The following SH3PXD2B variants were observed in gnomAD, a reference collection of about 807,000 sequenced individuals.
SH3PXD2B encodes SH3 and PX domain-containing protein 2B.
SH3PXD2B carries 37 observed loss-of-function variants against 73.1 expected under a neutral mutation model. That is an observed-to-expected ratio of 0.51 (90% CI 0.39 to 0.67). SH3PXD2B has a LOEUF of 0.67. Among genes scored for constraint, SH3PXD2B ranks in the 30% least tolerant of loss-of-function variants. The pLI is 0.00. For missense variants in SH3PXD2B, 1,053 were observed against 1,197.8 expected (o/e 0.88, Z 1.78); for synonymous variants, 457 against 480.5 (o/e 0.95, Z 0.64).
At chr5:172,418,472 C>T (rs764472116) in intron 2 of SH3PXD2B, among the ~76,000 whole-genome samples, 13 of 152,180 alleles carry the variant, frequency 8.5e-5, no homozygotes, top group African/African-American at 3.1e-4. Flanking sequence ...TCCACCAAGG[C>T]TCGGCTCTCC....
chr5:172,437,759 C>T (rs1251255873), intron 1 of SH3PXD2B, among the ~76,000 whole-genome samples: 1 of 152,240 alleles, frequency 6.6e-6, no homozygotes, highest in African/African-American at 2.4e-5. Flanking sequence ...TCAGATGAGA[C>T]ACTTAGGGCT....
intron 2 of SH3PXD2B, among the ~76,000 whole-genome samples, chr5:172,411,453 T>TGTTA (rs10695006): frequency 0.41 from 62,430 of 151,850 alleles, 13,741 homozygotes; most frequent in East Asian, 0.66. Context: ...CCTCCCTTTG[T>TGTTA]TTTATTTGTT....
At chr5:172,347,928 G>A (rs1442148950) in intron 10 of SH3PXD2B, among the ~76,000 whole-genome samples, 1 of 152,136 alleles carries the variant, frequency 6.6e-6, no homozygotes. Context: ...ATACTCTCGA[G>A]GCAGCTGCCC....
Position 172,350,189 on chromosome 5 carries a change from G to A in SH3PXD2B, c.1012+174C>T, listed in dbSNP as rs772178226. Among the ~76,000 whole-genome samples the A allele has an allele frequency of 4.6e-5, 7 of 152,260 alleles. No homozygotes were observed. The South Asian group carries it at 1.2e-3, about 27-fold the overall frequency. ...TCTTGACTCAGATTCTGCAATTCAC[G>A]GGCTGAATGATCTGGAATAAGTTAC... On this transcript the variant is annotated intron_variant, in intron 10 of 12. Transcript: ENST00000311601.
At chr5:172,394,481 G>A (rs1167078569) in intron 4 of SH3PXD2B, 82 bp downstream of exon 4, 32 of 1,423,886 alleles carry the variant, frequency 2.2e-5, no homozygotes, top group Non-Finnish European at 3.0e-5. Context: ...AATTTTTATT[G>A]TTGAGCATCT....
Position 172,421,338 on chromosome 5 carries a change from G to A in SH3PXD2B, c.156+1078C>T, listed in dbSNP as rs1031101552. Among the ~76,000 whole-genome samples the A allele has an allele frequency of 1.1e-4, 16 of 152,136 alleles. No individual in the cohort carries two copies. The highest frequency in any genetic ancestry group is 3.6e-4 in the African/African-American group (15 of 41,422). On this transcript the variant is annotated intron_variant, in intron 2 of 12. Transcript: ENST00000311601. The surrounding 1 kb of genome is among the most constrained non-coding windows in gnomAD (Gnocchi z 4.0). ...ACCCTAATGGGGATGTGCTTATACC[G>A]AGCTGTTCACATTCTGCCTGGCTCC...
intron 11 of SH3PXD2B, 108 bp downstream of exon 11, chr5:172,347,175 C>A: frequency 9.0e-7 from 1 of 1,111,840 alleles, no homozygotes; most frequent in South Asian, 1.3e-5. Flanking sequence ...GTTGTGTGGA[C>A]AGGAAAGAGA....
At chr5:172,354,053 T>G (rs776895976) in intron 8 of SH3PXD2B, 48 bp from the exon 9 acceptor site, 1 of 1,548,930 alleles carries the variant, frequency 6.5e-7, no homozygotes, top group Non-Finnish European at 8.9e-7. Context: ...ACCAAGAGGC[T>G]TGGGATGCCG....
Position 172,445,167 on chromosome 5 carries a change from AG to A in SH3PXD2B, c.75+9110del, listed in dbSNP as rs1759635399. ...CCAGGACCAGGTCCCCCAGAAGCCC[AG>A]GGCACCTGTCTGCCTGTCAGGACAC... On this transcript the variant is annotated intron_variant, in intron 1 of 12. Transcript: ENST00000311601. This position sits in a 1 kb window ranked among gnomAD's most constrained non-coding sequence, Gnocchi z 5.2. 6.6e-6 allele frequency among the ~76,000 whole-genome samples: 1 copy of A among 152,196 alleles called. No individual in the cohort carries two copies. The highest frequency in any genetic ancestry group is 2.4e-5 in the African/African-American group (1 of 41,454).
chr5:172,383,449 C>G (rs551677351), intron 4 of SH3PXD2B, among the ~76,000 whole-genome samples: 2 of 152,354 alleles, frequency 1.3e-5, no homozygotes, highest in East Asian at 3.9e-4. Flanking sequence ...CCAAATACAA[C>G]AGAAGTGCAG....
chr5:172,425,285 T>C (rs1270933832), intron 1 of SH3PXD2B, among the ~76,000 whole-genome samples: 1 of 151,996 alleles, frequency 6.6e-6, no homozygotes, highest in Non-Finnish European at 1.5e-5. Context: ...GTTGAGATAC[T>C]ATGGGGAGCA....
intron 1 of SH3PXD2B, among the ~76,000 whole-genome samples, chr5:172,450,981 C>T (rs913224611): frequency 2.6e-5 from 4 of 152,226 alleles, no homozygotes; most frequent in African/African-American, 9.6e-5. Context: ...TCATCAGCCT[C>T]TCAGGATCTC....
At chr5:172,362,316 C>G (rs1453374471) in intron 7 of SH3PXD2B, among the ~76,000 whole-genome samples, 1 of 152,132 alleles carries the variant, frequency 6.6e-6, no homozygotes, top group African/African-American at 2.4e-5. Flanking sequence ...GACCAGTGGT[C>G]CCTGTGATGG....
At chr5:172,356,743 C>T (rs77056672) in intron 8 of SH3PXD2B, 2,766 of 152,422 alleles carry the variant, frequency 0.018, 36 homozygotes, top group Non-Finnish European at 0.027. Context: ...GGCGGCCCAC[C>T]GGCCGGGGCA....
At chr5:172,380,312 C>A (rs181280186) in intron 5 of SH3PXD2B, among the ~76,000 whole-genome samples, 2 of 152,120 alleles carry the variant, frequency 1.3e-5, no homozygotes, top group African/African-American at 4.8e-5. Context: ...CCTTCCGCCT[C>A]GGCCTCCTAA....
intron 5 of SH3PXD2B, among the ~76,000 whole-genome samples, chr5:172,379,088 A>G (rs1429087388): frequency 6.6e-6 from 1 of 150,942 alleles, no homozygotes; most frequent in East Asian, 1.9e-4. Context: ...AAAAAAAAAA[A>G]AAAGGAAAGT....
At position 172,350,530 on chromosome 5, in the gene SH3PXD2B, G is replaced by T. The variant is rs764252514; in HGVS notation, c.845C>A (p.Pro282His). ...ASYLKKNSGEPLPPKPGPGSP... is the reference protein window; with the variant it reads ...ASYLKKNSGEHLPPKPGPGSP... ...GCCAGGGCCTGGCTTCGGGGGCAAG[G>T]GCTCCCCACTGTTCTTCTTTAGGTA... The change falls in exon 10 of 13, where the codon CCC (proline) becomes CAC (histidine). Residue 282 changes from proline to histidine, a missense_variant. Pro to His is a moderately conservative substitution (Grantham distance 77, BLOSUM62 -2). Transcript: ENST00000311601. The T allele has an allele frequency of 3.1e-6, 5 of 1,613,870 alleles. No individual in the cohort carries two copies. The highest frequency in any genetic ancestry group is 3.3e-5 in the Admixed American group (2 of 59,976).
chr5:172,329,076 TATA>T (rs1224351886), downstream of SH3PXD2B, among the ~76,000 whole-genome samples: 103 of 81,416 alleles, frequency 1.3e-3, 1 homozygote, highest in African/African-American at 4.3e-3. Flanking sequence ...TATATATATA[TATA>T]TATATTTTTT....
intron 3 of SH3PXD2B, among the ~76,000 whole-genome samples, chr5:172,398,213 T>C (rs1190251937): frequency 6.6e-6 from 1 of 152,268 alleles, no homozygotes; most frequent in Non-Finnish European, 1.5e-5. Context: ...GAAACCGGCA[T>C]GCCTGCCCAT....
Sources: allele counts gnomAD v4.1 joint callset (sites outside exome capture counted in the v4.1 genomes callset), GRCh38; gene constraint gnomAD v4.1.1; non-coding constraint Gnocchi (gnomAD v3.1); transcripts MANE v1.5; gene names NCBI Gene and HGNC (gene_info 2026-07-23, HGNC 2026-07-21).